Variants in DLGAP2 observed in about 807,000 individuals in gnomAD.
The protein encoded by DLGAP2 is disks large-associated protein 2.
Under a neutral mutation model 100.3 loss-of-function variants are expected in DLGAP2, and 26 were observed. The observed-to-expected ratio is 0.26, with a 90% CI of 0.19 to 0.36. The LOEUF (loss-of-function observed/expected upper bound fraction) is 0.36, where lower values mean the gene tolerates loss of function less well. DLGAP2 is among the 10% of genes least tolerant of loss of function. DLGAP2 has a pLI of 1.00. For missense variants in DLGAP2, 1,858 were observed against 1,453.2 expected, an observed-to-expected ratio of 1.28 and a Z score of -4.53; for synonymous variants, 886 against 630.1, an observed-to-expected ratio of 1.41 and a Z score of -6.08.
chr8:1,288,767 C>A (rs1182710467), intron 3 of DLGAP2, among the ~76,000 whole-genome samples: 4 of 131,586 alleles, frequency 3.0e-5, no homozygotes, highest in South Asian at 5.1e-4. Context: ...GAACTAGTTT[C>A]GGTTCAGTGT....
At chr8:1,041,328 C>G (rs1802340684) in intron 2 of DLGAP2, among the ~76,000 whole-genome samples, 1 of 151,992 alleles carries the variant, frequency 6.6e-6, no homozygotes. Flanking sequence ...TACTCTCAGC[C>G]TTTTTCTTTG....
At chr8:998,694 T>A (rs1563135738) in intron 2 of DLGAP2, among the ~76,000 whole-genome samples, 1 of 152,226 alleles carries the variant, frequency 6.6e-6, no homozygotes, top group Non-Finnish European at 1.5e-5. Context: ...TCACGATTTC[T>A]TCCTAGGTGA....
intron 4 of DLGAP2, among the ~76,000 whole-genome samples, chr8:1,534,872 C>A (rs1313645441): frequency 6.6e-6 from 1 of 152,242 alleles, no homozygotes; most frequent in Non-Finnish European, 1.5e-5. Flanking sequence ...TTGCACGACC[C>A]ACTCTGGAAC....
intron 2 of DLGAP2, among the ~76,000 whole-genome samples, chr8:1,241,254 A>T (rs1245929507): frequency 8.6e-6 from 1 of 115,890 alleles, no homozygotes; most frequent in African/African-American, 4.4e-5. Flanking sequence ...ACATGGAACC[A>T]TGTCTAGTTC....
At chr8:1,256,580 T>TGTGCTCTCCTGCCTGGGCGCTGTGCGC (rs1799225693) in intron 2 of DLGAP2, among the ~76,000 whole-genome samples, 1 of 141,458 alleles carries the variant, frequency 7.1e-6, no homozygotes, top group African/African-American at 3.1e-5. Flanking sequence ...GTGCTGTGCG[T>TGTGCTCTCCTGCCTGGGCGCTGTGCGC]GTGTACTCTC....
At chr8:1,666,342 C>T (rs1034360652) in intron 8 of DLGAP2, among the ~76,000 whole-genome samples, 2 of 152,190 alleles carry the variant, frequency 1.3e-5, no homozygotes, top group Non-Finnish European at 2.9e-5. Flanking sequence ...GTTTTCTAGG[C>T]TTCAGATTCT....
chr8:1,587,423 C>T (rs1353165454), intron 6 of DLGAP2, among the ~76,000 whole-genome samples: 1 of 152,138 alleles, frequency 6.6e-6, no homozygotes, highest in Non-Finnish European at 1.5e-5. Context: ...AATTCATTAA[C>T]TTCTGCTTTT....
intron 2 of DLGAP2, among the ~76,000 whole-genome samples, chr8:1,200,339 C>G (rs1797843818): frequency 6.6e-6 from 1 of 152,314 alleles, no homozygotes; most frequent in Non-Finnish European, 1.5e-5. Context: ...TCCCGTGGCC[C>G]CGGCTCCTAA....
rs563589479 is a variant in DLGAP2, at chr8:834,515, A to G, written c.19-73397A>G. 9.8e-5 allele frequency among the ~76,000 whole-genome samples: 15 copies of G among 152,332 alleles called. No individual in the cohort carries two copies. In the South Asian group the frequency reaches 2.1e-3, roughly 21 times the overall value. On this transcript the variant is annotated intron_variant, in intron 1 of 14. Coordinates refer to ENST00000637795, the MANE Select transcript of DLGAP2 (RefSeq NM_001346810.2). Reference sequence around the variant, plus strand: ...CTATTCAGCTTAAACATTAAGTGCAAATCTCATTGCTGTCTTCCACCTACC... The same window carrying G: ...CTATTCAGCTTAAACATTAAGTGCAGATCTCATTGCTGTCTTCCACCTACC...
Position 808,071 on chromosome 8 carries a change from A to G in DLGAP2, c.18+70246A>G, listed in dbSNP as rs536148255. On this transcript the variant is annotated intron_variant, in intron 1 of 14. Coordinates refer to ENST00000637795, the MANE Select transcript of DLGAP2 (RefSeq NM_001346810.2). ...GCTTCTGGTTGATTTGGATAATTTT[A>G]CGCTCATCTGTGTCAGCCTTACCTG... Among the ~76,000 whole-genome samples, 150 of 152,122 alleles carry G rather than the reference A, an allele frequency of 9.9e-4. 2 individuals are homozygous for G. The South Asian group carries it at 0.014, about 14-fold the overall frequency.
chr8:1,117,762 C>A (rs949669615), intron 2 of DLGAP2, among the ~76,000 whole-genome samples: 2 of 152,190 alleles, frequency 1.3e-5, no homozygotes, highest in Non-Finnish European at 2.9e-5. Flanking sequence ...GGGGCTCCCC[C>A]AGGAGAGCAG....
At chr8:1,493,071 G>C (rs1386302593) in intron 3 of DLGAP2, among the ~76,000 whole-genome samples, 1 of 152,220 alleles carries the variant, frequency 6.6e-6, no homozygotes, top group Non-Finnish European at 1.5e-5. Context: ...CTCAAGGGAA[G>C]TCCAGGAGGA....
At chr8:1,416,382 C>A (rs141012081) in intron 3 of DLGAP2, among the ~76,000 whole-genome samples, 4 of 152,234 alleles carry the variant, frequency 2.6e-5, no homozygotes, top group Non-Finnish European at 5.9e-5. Flanking sequence ...AGGTTCAAAC[C>A]TCTGCAGTGC....
At chr8:1,699,766 A>T (rs1563070972) in intron 14 of DLGAP2, among the ~76,000 whole-genome samples, 1 of 152,174 alleles carries the variant, frequency 6.6e-6, no homozygotes, top group Non-Finnish European at 1.5e-5. Context: ...ATTCCCTGGG[A>T]TGGGCCCTGC....
At chr8:1,666,047 G>T (rs929478307) in intron 8 of DLGAP2, among the ~76,000 whole-genome samples, 3 of 152,198 alleles carry the variant, frequency 2.0e-5, no homozygotes, top group African/African-American at 7.2e-5. Context: ...TGAGATGAAT[G>T]TGCAGTCCCC....
chr8:1,701,228 C>A lies in DLGAP2; in HGVS notation c.2990C>A (p.Pro997His). The A allele has an allele frequency of 1.3e-6, 2 of 1,576,690 alleles. No individual in the cohort carries two copies. Among genetic ancestry groups the A allele is most frequent in the South Asian group, 1.2e-5 (1 of 85,844 alleles). The change falls in exon 15 of 15, where the codon CCC becomes CAC. Residue 997 changes from proline (P) to histidine (H), a missense_variant. By Grantham distance (77) the Pro-to-His change is moderately conservative (BLOSUM62 -2). Coordinates refer to ENST00000637795, the MANE Select transcript of DLGAP2 (RefSeq NM_001346810.2). ...KVPPPIPKKP[P>H]KGKFPITREK... ...CCGCCTCCAATACCAAAGAAGCCTC[C>A]CAAGGGGAAGTTTCCCATCACAAGA... is the stretch of plus-strand genomic sequence containing the variant.
chr8:1,684,434 T>C (rs1057479149), intron 12 of DLGAP2, among the ~76,000 whole-genome samples: 6 of 152,070 alleles, frequency 3.9e-5, no homozygotes, highest in Non-Finnish European at 4.4e-5. Flanking sequence ...ACAGGGTTAT[T>C]GGTTATGGTA....
At chr8:1,475,534 G>C (rs188030595) in intron 3 of DLGAP2, among the ~76,000 whole-genome samples, 2 of 152,142 alleles carry the variant, frequency 1.3e-5, no homozygotes, top group African/African-American at 4.8e-5. Flanking sequence ...AGGCTGTTTC[G>C]TGAGGATCAA....
At chr8:1,605,581 C>T (rs1210625929) in intron 6 of DLGAP2, among the ~76,000 whole-genome samples, 1 of 152,176 alleles carries the variant, frequency 6.6e-6, no homozygotes, top group African/African-American at 2.4e-5. Context: ...GAAATCTTTT[C>T]AATTAGCAAT....
Sources: allele counts gnomAD v4.1 joint callset (sites outside exome capture counted in the v4.1 genomes callset), GRCh38; gene constraint gnomAD v4.1.1; transcripts MANE v1.5; gene names NCBI Gene and HGNC (gene_info 2026-07-23, HGNC 2026-07-21).